The following PDPR variants were observed in gnomAD, a reference collection of about 807,000 sequenced individuals.
The protein encoded by PDPR is pyruvate dehydrogenase phosphatase regulatory subunit, mitochondrial.
Under a neutral mutation model 102.2 loss-of-function variants are expected in PDPR, and 50 were observed. The observed-to-expected ratio is 0.49, with a 90% CI of 0.39 to 0.62. PDPR has a LOEUF of 0.62. Ranked by LOEUF, PDPR falls within the 20% of genes least tolerant of loss-of-function variation. The pLI is 0.00. For synonymous variants in PDPR, 259 were observed against 406.0 expected (o/e 0.64, Z 4.35); for missense variants, 625 against 1,098.2 (o/e 0.57, Z 6.09).
Position 70,133,465 on chromosome 16 carries a change from T to A in PDPR, c.997+1165T>A, listed in dbSNP as rs1388514632. On this transcript the variant is annotated intron_variant, in intron 9 of 18. Transcript: ENST00000288050. ...AAGAGTCTTGCTCTGTCGCCCAGAC[T>A]GGAGTGCAGTGGCACAATCTCGGCT... Among the ~76,000 whole-genome samples the A allele has an allele frequency of 1.4e-3, 205 of 145,544 alleles. 1 individual carries two copies. The highest frequency in any genetic ancestry group is 7.2e-3 in the Middle Eastern group (2 of 276).
intron 17 of PDPR, among the ~76,000 whole-genome samples, chr16:70,150,729 C>G (rs1221197382): frequency 6.6e-6 from 1 of 152,216 alleles, no homozygotes; most frequent in Non-Finnish European, 1.5e-5. Context: ...CTAGGCTGGT[C>G]TCAGACTCCT....
At chr16:70,123,950 G>A (rs1344212748) in intron 3 of PDPR, among the ~76,000 whole-genome samples, 3 of 152,232 alleles carry the variant, frequency 2.0e-5, no homozygotes, top group Non-Finnish European at 4.4e-5. Context: ...AGCTACTCGG[G>A]AGGCTGAGGT....
At position 70,160,035 on chromosome 16, in the gene PDPR, C is replaced by T. The variant is rs559079062; in HGVS notation, c.*3156C>T. On this transcript the variant is annotated 3_prime_UTR_variant, in exon 19 of 19. Transcript: ENST00000288050. Reference sequence around the variant, plus strand: ...CTGTCATAGCATTTTGTGCTCACCACGAAGGATGGTCTCTGCCTTCTCTTG... The same window carrying T: ...CTGTCATAGCATTTTGTGCTCACCATGAAGGATGGTCTCTGCCTTCTCTTG... 33 of 153,024 alleles carry T rather than the reference C, an allele frequency of 2.2e-4. No individual in the cohort carries two copies. The highest frequency in any genetic ancestry group is 7.7e-4 in the African/African-American group (32 of 41,604). The allele number at this position is 153,024 out of a possible 1,614,324, so 9.5% of individuals were successfully genotyped here.
intron 9 of PDPR, among the ~76,000 whole-genome samples, chr16:70,135,455 T>C (rs768113394): frequency 1.3e-5 from 2 of 152,264 alleles, no homozygotes; most frequent in Non-Finnish European, 2.9e-5. Flanking sequence ...CATAATGCTC[T>C]TGAACTCCTG....
Position 70,160,478 on chromosome 16 carries a change from C to T in PDPR, c.*3599C>T, listed in dbSNP as rs1262047509. On this transcript the variant is annotated 3_prime_UTR_variant, in exon 19 of 19. Coordinates refer to ENST00000288050, the MANE Select transcript of PDPR (RefSeq NM_017990.5). The stretch of plus-strand genomic sequence containing the variant: ...CACGCTCTTCCAGGGATCCCTGTCC[C>T]CCGACATTGAAGAGATCTCATTCAG... 3 of 152,894 alleles carry T rather than the reference C, an allele frequency of 2.0e-5. No individual in the cohort carries two copies. Among genetic ancestry groups the T allele is most frequent in the African/African-American group, 7.2e-5 (3 of 41,486 alleles). 9.5% of individuals were successfully genotyped at this position (152,894 alleles called of 1,614,324 possible).
At chr16:70,118,926 A>G (rs545723594) in intron 2 of PDPR, among the ~76,000 whole-genome samples, 50 of 152,222 alleles carry the variant, frequency 3.3e-4, no homozygotes, top group Middle Eastern at 3.4e-3. Flanking sequence ...GGACATAGAT[A>G]CCTTGGCCTT....
At chr16:70,136,958 G>C (rs1369459555) in intron 10 of PDPR, among the ~76,000 whole-genome samples, 1 of 152,206 alleles carries the variant, frequency 6.6e-6, no homozygotes, top group Non-Finnish European at 1.5e-5. Flanking sequence ...AGCCAGGCTG[G>C]TCTTGAACTC....
At position 70,120,573 on chromosome 16, in the gene PDPR, C is replaced by T; in HGVS notation, c.81C>T (p.Asn27=). The change falls in exon 3 of 19, where the codon AAC becomes AAT. Residue 27 remains asparagine (N), a synonymous_variant. Coordinates refer to ENST00000288050, the MANE Select transcript of PDPR (RefSeq NM_017990.5). ...GGCAGAACTGGTCCTCTGCAAGAAA[C>T]AGCACGTCAGCTGCCGAGGCGCGTT... ...PGWQNWSSAR[N]STSAAEARSM... is the part of the protein sequence containing the mutation. 1.2e-6 allele frequency: 2 copies of T among 1,614,022 alleles called. No homozygotes were observed. The highest frequency in any genetic ancestry group is 1.1e-5 in the South Asian group (1 of 91,092).
intron 15 of PDPR, among the ~76,000 whole-genome samples, chr16:70,145,080 C>T (rs141013914): frequency 0.14 from 20,802 of 144,772 alleles, no homozygotes; most frequent in African/African-American, 0.16. Context: ...TGGTGAAACC[C>T]CATCTCTACT....
rs192995462 is a variant in PDPR, at chr16:70,134,899, A to G, written c.998-1295A>G. Among the ~76,000 whole-genome samples, 4 of 152,370 alleles carry G rather than the reference A, an allele frequency of 2.6e-5. No individual in the cohort carries two copies. The East Asian group carries it at 5.8e-4, about 22-fold the overall frequency. ...ACCCTTGATGGGCTTTCTTTTTTTA[A>G]TAAATTCTTACGGAAAATTTCAAAC... On this transcript the variant is annotated intron_variant, in intron 9 of 18. Transcript: ENST00000288050.
Position 70,114,833 on chromosome 16 carries a change from T to G in PDPR, c.-130T>G, listed in dbSNP as rs1962479869. The stretch of plus-strand genomic sequence containing the variant: ...TCCATCCCTGCAGATGGAACTGTTT[T>G]CCCGCGTTGAGACGTGCGGTCCGCT... On this transcript the variant is annotated 5_prime_UTR_variant, in exon 2 of 19. Coordinates refer to ENST00000288050, the MANE Select transcript of PDPR (RefSeq NM_017990.5). 1 of 152,272 alleles carries G rather than the reference T, an allele frequency of 6.6e-6. No individual in the cohort carries two copies. Among genetic ancestry groups the G allele is most frequent in the Non-Finnish European group, 1.5e-5 (1 of 68,088 alleles). 9.4% of individuals were successfully genotyped at this position (152,272 alleles called of 1,614,324 possible).
chr16:70,162,398 C>T lies in PDPR; in HGVS notation c.*5519C>T, dbSNP rs1967876250. The T allele has an allele frequency of 6.6e-6, 1 of 152,502 alleles. No homozygotes were observed. Among genetic ancestry groups the T allele is most frequent in the Non-Finnish European group, 1.5e-5 (1 of 68,190 alleles). 9.4% of individuals were successfully genotyped at this position (152,502 alleles called of 1,614,324 possible). On this transcript the variant is annotated 3_prime_UTR_variant, in exon 19 of 19. Transcript: ENST00000288050. Reference sequence around the variant, plus strand: ...TAGAGATCCTGGGTGACTTTGGGTGCACAGGGTGACCGAGCATTTCTGCCC... The same window carrying T: ...TAGAGATCCTGGGTGACTTTGGGTGTACAGGGTGACCGAGCATTTCTGCCC...
chr16:70,118,490 G>A lies in PDPR; in HGVS notation c.-32-1971G>A, dbSNP rs369378987. ...TTTTCAAGTATAACCGAGTGGTCAC[G>A]GGTCAGAAGCCAGGAGGTTGACAGT... On this transcript the variant is annotated intron_variant, in intron 2 of 18. Coordinates refer to ENST00000288050, the MANE Select transcript of PDPR (RefSeq NM_017990.5). 1.3e-3 allele frequency among the ~76,000 whole-genome samples: 203 copies of A among 152,380 alleles called. 2 individuals carry two copies. The South Asian group carries it at 0.035, about 26-fold the overall frequency.
rs1414023210 is a variant in PDPR at position 70,153,580 on chromosome 16, T to C, written c.2235+7T>C. ...TCGGGTGAAATTAGAGAAGGTACTG[T>C]GTTTACCCAGACTCCACTTTCACTC... is the stretch of plus-strand genomic sequence containing the variant. On this transcript the variant is annotated splice_region_variant and intron_variant, in intron 18 of 18. Transcript: ENST00000288050. 6.3e-7 allele frequency: 1 copy of C among 1,591,826 alleles called. No individual in the cohort carries two copies. The highest frequency in any genetic ancestry group is 1.3e-5 in the African/African-American group (1 of 74,470).
At chr16:70,126,549 G>T (rs1963989148) in intron 3 of PDPR, among the ~76,000 whole-genome samples, 1 of 152,230 alleles carries the variant, frequency 6.6e-6, no homozygotes, top group Admixed American at 6.5e-5. Flanking sequence ...ATTTTTTGTA[G>T]AGACGGGGTT....
chr16:70,130,594 T>A (rs1309936037), intron 7 of PDPR, 50 bp downstream of exon 7: 1 of 1,606,982 alleles, frequency 6.2e-7, no homozygotes, highest in Non-Finnish European at 8.5e-7. Context: ...GTCTCCAAGA[T>A]TTTTTTGGTG....
chr16:70,136,393 C>G lies in PDPR; in HGVS notation c.1190+7C>G. ...TTGGTGGAGGAGCCGGAAAGTAAGTCTTTCTCACTCAAAGTCAGCTGTGAA... is the reference window on the plus strand; with the variant it reads ...TTGGTGGAGGAGCCGGAAAGTAAGTGTTTCTCACTCAAAGTCAGCTGTGAA... On this transcript the variant is annotated splice_region_variant and intron_variant, in intron 10 of 18. Transcript: ENST00000288050. The G allele has an allele frequency of 6.3e-7, 1 of 1,583,422 alleles. No individual in the cohort carries two copies. Among genetic ancestry groups the G allele is most frequent in the Non-Finnish European group, 8.6e-7 (1 of 1,159,054 alleles).
At chr16:70,150,928 C>T (rs1356067604) in intron 17 of PDPR, among the ~76,000 whole-genome samples, 8 of 152,222 alleles carry the variant, frequency 5.3e-5, no homozygotes, top group Admixed American at 4.6e-4. Context: ...CACAGATGCC[C>T]AGCTATCTTT....
At chr16:70,134,247 A>T (rs1317361549) in intron 9 of PDPR, among the ~76,000 whole-genome samples, 3 of 151,918 alleles carry the variant, frequency 2.0e-5, no homozygotes, top group Admixed American at 6.5e-5. Context: ...TCATTTTGAG[A>T]TGGAGTCTTG....
Sources: gnomAD v4.1 joint callset for allele counts (sites outside exome capture counted in the v4.1 genomes callset) on GRCh38, gnomAD v4.1.1 for gene constraint, MANE v1.5 for transcripts, NCBI Gene and HGNC (gene_info 2026-07-23, HGNC 2026-07-21) for gene names.